PSD3: variants seen among roughly 807,000 people sequenced by gnomAD.
The protein encoded by PSD3 is pleckstrin and Sec7 domain containing 3.
PSD3 carries 49 observed loss-of-function variants against 105.5 expected under a neutral mutation model. The observed-to-expected ratio is 0.46, with a 90% confidence interval of 0.37 to 0.59. The LOEUF (loss-of-function observed/expected upper bound fraction) is 0.59, where lower values mean the gene tolerates loss of function less well. PSD3 is among the 20% of genes least tolerant of loss of function. The pLI, the probability that PSD3 is intolerant of heterozygous loss-of-function variation, is 0.00. For synonymous variants in PSD3, 557 were observed against 457.8 expected, an observed-to-expected ratio of 1.22 and a Z score of -2.77; for missense variants, 1,561 against 1,263.8, an observed-to-expected ratio of 1.24 and a Z score of -3.57.
intron 14 of PSD3, among the ~76,000 whole-genome samples, chr8:18,570,667 T>A (rs971429026): frequency 2.0e-5 from 3 of 148,928 alleles, no homozygotes; most frequent in Non-Finnish European, 4.5e-5. Flanking sequence ...GCGAAGGACA[T>A]GAACAGACAC....
At chr8:18,731,033 T>TC (rs1803708051) in intron 9 of PSD3, among the ~76,000 whole-genome samples, 1 of 139,122 alleles carries the variant, frequency 7.2e-6, no homozygotes, top group East Asian at 2.1e-4. Context: ...CCCCTTTACC[T>TC]CCCCCACAAA....
At chr8:18,851,098 C>A (rs563666056) in intron 4 of PSD3, among the ~76,000 whole-genome samples, 4 of 152,306 alleles carry the variant, frequency 2.6e-5, no homozygotes, top group South Asian at 2.1e-4. Context: ...GAGGAATAAG[C>A]CACTGTCCTT....
At chr8:18,666,957 C>T (rs891213054) in intron 9 of PSD3, among the ~76,000 whole-genome samples, 3 of 152,086 alleles carry the variant, frequency 2.0e-5, no homozygotes, top group South Asian at 2.1e-4. Context: ...GAGACGTGTC[C>T]GCAGTTTGTT....
At chr8:18,741,206 C>T (rs1804544654) in intron 9 of PSD3, among the ~76,000 whole-genome samples, 1 of 152,090 alleles carries the variant, frequency 6.6e-6, no homozygotes, top group African/African-American at 2.4e-5. Flanking sequence ...AGAGAACGAG[C>T]GAAGCATGTG....
intron 9 of PSD3, among the ~76,000 whole-genome samples, chr8:18,740,369 A>G (rs938541188): frequency 6.6e-6 from 1 of 152,128 alleles, no homozygotes; most frequent in Non-Finnish European, 1.5e-5. Flanking sequence ...CTTCTCCTCA[A>G]TTCTGACAGC....
At chr8:18,957,191 T>G (rs1462026680) in intron 1 of PSD3, among the ~76,000 whole-genome samples, 1 of 151,672 alleles carries the variant, frequency 6.6e-6, no homozygotes, top group Non-Finnish European at 1.5e-5. Flanking sequence ...GCCAACACAG[T>G]GAAACCCCAT....
intron 15 of PSD3, among the ~76,000 whole-genome samples, chr8:18,546,076 C>A (rs1800433431): frequency 6.6e-6 from 1 of 152,192 alleles, no homozygotes; most frequent in African/African-American, 2.4e-5. Context: ...TCTTGGCTCA[C>A]TGCAACCTCC....
At chr8:18,688,519 C>T (rs902765819) in intron 9 of PSD3, among the ~76,000 whole-genome samples, 3 of 152,184 alleles carry the variant, frequency 2.0e-5, no homozygotes, top group Non-Finnish European at 4.4e-5. Flanking sequence ...CATATTGTAA[C>T]AGGGTCTTAT....
intron 9 of PSD3, among the ~76,000 whole-genome samples, chr8:18,741,000 A>G (rs1330782588): frequency 6.6e-6 from 1 of 152,216 alleles, no homozygotes; most frequent in Non-Finnish European, 1.5e-5. Context: ...TGCAAAGCCA[A>G]AAATGAATGA....
intron 9 of PSD3, among the ~76,000 whole-genome samples, chr8:18,737,306 T>C (rs944004501): frequency 6.6e-6 from 1 of 152,164 alleles, no homozygotes; most frequent in African/African-American, 2.4e-5. Context: ...ACCCAGGTAC[T>C]ATGCTGTGCT....
chr8:18,946,994 C>A (rs553925492), intron 1 of PSD3, among the ~76,000 whole-genome samples: 1 of 151,158 alleles, frequency 6.6e-6, no homozygotes, highest in African/African-American at 2.4e-5. Flanking sequence ...TGACATACAC[C>A]TGCACATAAA....
intron 9 of PSD3, among the ~76,000 whole-genome samples, chr8:18,747,576 C>T (rs1329592523): frequency 6.6e-6 from 1 of 152,042 alleles, no homozygotes; most frequent in African/African-American, 2.4e-5. Context: ...AAGAGGAAAC[C>T]AGAAACAGTT....
Position 19,013,587 on chromosome 8 carries a change from C to G in PSD3, c.-4G>C. On this transcript the variant is annotated 5_prime_UTR_variant, in exon 1 of 16. Coordinates refer to ENST00000327040, the MANE Select transcript of PSD3 (RefSeq NM_015310.4). ...CCGCTGCGCTCCTTCCTTCCATCTT[C>G]CATCGCCAGCCCGGCCGCGCGCCGA... The G allele has an allele frequency of 6.6e-7, 1 of 1,505,288 alleles. No individual in the cohort carries two copies. Among genetic ancestry groups the G allele is most frequent in the Non-Finnish European group, 8.8e-7 (1 of 1,135,474 alleles). The allele number at this position is 1,505,288 out of a possible 1,614,324, so 93.2% of individuals were successfully genotyped here. A position where few individuals can be genotyped will look rare whatever the true frequency, so the allele number is the denominator to read the frequency against.
chr8:18,930,917 G>T (rs955156045), intron 2 of PSD3, among the ~76,000 whole-genome samples: 1 of 152,162 alleles, frequency 6.6e-6, no homozygotes, highest in South Asian at 2.1e-4. Flanking sequence ...CCACCAGTGT[G>T]TACGAGCTCA....
chr8:18,608,812 G>A (rs1030742046), intron 11 of PSD3, among the ~76,000 whole-genome samples: 2 of 152,108 alleles, frequency 1.3e-5, no homozygotes, highest in African/African-American at 2.4e-5. Flanking sequence ...TCATGCAGAA[G>A]TTTATATTTG....
chr8:18,587,189 C>A (rs1803253324), intron 12 of PSD3, among the ~76,000 whole-genome samples: 1 of 152,206 alleles, frequency 6.6e-6, no homozygotes, highest in Non-Finnish European at 1.5e-5. Context: ...ACATGGCACT[C>A]CCAGGTCACA....
At chr8:18,793,423 C>G (rs1000167370) in intron 8 of PSD3, among the ~76,000 whole-genome samples, 23 of 149,416 alleles carry the variant, frequency 1.5e-4, no homozygotes, top group African/African-American at 5.7e-4. Flanking sequence ...TGCAGCAAAC[C>G]ACGTTGGCAT....
At chr8:19,011,814 G>A (rs541943792) in intron 1 of PSD3, among the ~76,000 whole-genome samples, 3 of 151,616 alleles carry the variant, frequency 2.0e-5, no homozygotes, top group Non-Finnish European at 2.9e-5. Context: ...GAATTTGGCC[G>A]TAATAAGGTT....
At chr8:18,843,642 T>C (rs1370027431) in intron 4 of PSD3, among the ~76,000 whole-genome samples, 4 of 152,122 alleles carry the variant, frequency 2.6e-5, no homozygotes, top group East Asian at 3.9e-4. Context: ...GTACAAAGAA[T>C]AGAGAAGTAG....
Sources: allele counts gnomAD v4.1 joint callset (sites outside exome capture counted in the v4.1 genomes callset), GRCh38; gene constraint gnomAD v4.1.1; transcripts MANE v1.5; gene names NCBI Gene and HGNC (gene_info 2026-07-23, HGNC 2026-07-21).